SDK1: variants seen among roughly 807,000 people sequenced by gnomAD.
SDK1 encodes the protein sidekick cell adhesion molecule 1, also known as protein sidekick-1.
Under a neutral mutation model 245.5 loss-of-function variants are expected in SDK1, and 157 were observed. The observed-to-expected ratio is 0.64, with a 90% CI of 0.56 to 0.73. SDK1 has a LOEUF of 0.73. SDK1 is among the 30% of genes least tolerant of loss of function. The pLI is 0.00. For synonymous variants in SDK1, 1,647 were observed against 1,278.5 expected, an observed-to-expected ratio of 1.29 and a Z score of -6.15; for missense variants, 3,583 against 3,002.3, an observed-to-expected ratio of 1.19 and a Z score of -4.52.
intron 22 of SDK1, among the ~76,000 whole-genome samples, chr7:4,098,164 C>T (rs1327862779): frequency 1.3e-5 from 2 of 152,136 alleles, no homozygotes; most frequent in Non-Finnish European, 2.9e-5. Context: ...TTTGTTCATT[C>T]ATCTGTCAGA....
chr7:3,473,700 T>C (rs1781253943), intron 1 of SDK1, among the ~76,000 whole-genome samples: 1 of 152,164 alleles, frequency 6.6e-6, no homozygotes, highest in Non-Finnish European at 1.5e-5. Flanking sequence ...CATTTTATCT[T>C]TCTAGTTACC....
At chr7:3,950,621 A>T (rs1348297853) in intron 5 of SDK1, among the ~76,000 whole-genome samples, 4 of 152,208 alleles carry the variant, frequency 2.6e-5, no homozygotes, top group Non-Finnish European at 5.9e-5. Context: ...CCTTCCACTC[A>T]CAATGGGGTT....
Position 3,468,032 on chromosome 7 carries a change from C to G in SDK1, c.299-151048C>G, listed in dbSNP as rs553296785. 2.6e-5 allele frequency among the ~76,000 whole-genome samples: 4 copies of G among 151,560 alleles called. 1 individual carries two copies. The highest frequency in any genetic ancestry group is 9.7e-5 in the African/African-American group (4 of 41,270). ...CCACTGTAGACATTTATAATGTAAT[C>G]TATGCAAGAAATGAATATTTATCTC... On this transcript the variant is annotated intron_variant, in intron 1 of 44. Coordinates refer to ENST00000404826, the MANE Select transcript of SDK1 (RefSeq NM_152744.4).
chr7:4,160,373 T>G (rs758743816), intron 31 of SDK1, among the ~76,000 whole-genome samples: 2 of 152,104 alleles, frequency 1.3e-5, no homozygotes, highest in Non-Finnish European at 2.9e-5. Flanking sequence ...GGACCATTTT[T>G]GAAAAAAATA....
intron 25 of SDK1, among the ~76,000 whole-genome samples, chr7:4,118,152 C>T (rs1054824917): frequency 6.6e-6 from 1 of 152,058 alleles, no homozygotes; most frequent in African/African-American, 2.4e-5. Context: ...AAAAAAACTC[C>T]CCAAATGGAA....
chr7:4,069,093 C>G (rs1172272341), intron 20 of SDK1, among the ~76,000 whole-genome samples: 1 of 152,150 alleles, frequency 6.6e-6, no homozygotes, highest in African/African-American at 2.4e-5. Context: ...AAAAAAAAAT[C>G]TTGGTTTGAC....
At chr7:3,560,449 A>T (rs1779712500) in intron 1 of SDK1, among the ~76,000 whole-genome samples, 1 of 152,034 alleles carries the variant, frequency 6.6e-6, no homozygotes, top group African/African-American at 2.4e-5. Flanking sequence ...ACTTATATCC[A>T]GTGTGTTGGA....
intron 1 of SDK1, among the ~76,000 whole-genome samples, chr7:3,449,898 G>C (rs1289917160): frequency 6.6e-6 from 1 of 152,176 alleles, no homozygotes; most frequent in African/African-American, 2.4e-5. Context: ...TTGCAGAACT[G>C]TTTATTAACA....
intron 5 of SDK1, among the ~76,000 whole-genome samples, chr7:3,849,997 G>C (rs916784097): frequency 6.6e-6 from 1 of 152,338 alleles, no homozygotes; most frequent in Non-Finnish European, 1.5e-5. Context: ...TCATTCACAA[G>C]TTGAGAAAGG....
intron 1 of SDK1, among the ~76,000 whole-genome samples, chr7:3,366,352 C>T (rs934142295): frequency 6.8e-6 from 1 of 146,360 alleles, no homozygotes. Flanking sequence ...CTCCTCCTTT[C>T]TTTTTTTTTT....
At chr7:4,016,152 A>G (rs1189076345) in intron 16 of SDK1, among the ~76,000 whole-genome samples, 1 of 152,268 alleles carries the variant, frequency 6.6e-6, no homozygotes, top group Non-Finnish European at 1.5e-5. Flanking sequence ...CAGGTAATGG[A>G]CATGGAATCT....
chr7:3,515,807 GAC>G (rs1240239249), intron 1 of SDK1, among the ~76,000 whole-genome samples: 1 of 152,100 alleles, frequency 6.6e-6, no homozygotes, highest in Non-Finnish European at 1.5e-5. Context: ...CAGTCTCAAA[GAC>G]ATAAATCACC....
At chr7:4,247,337 G>T (rs1472855671) in intron 44 of SDK1, among the ~76,000 whole-genome samples, 3 of 152,188 alleles carry the variant, frequency 2.0e-5, no homozygotes, top group East Asian at 3.9e-4. Flanking sequence ...AGGATGCCGG[G>T]TTTGCTGTCC....
chr7:3,780,176 G>A (rs895127903), intron 4 of SDK1, among the ~76,000 whole-genome samples: 1 of 152,208 alleles, frequency 6.6e-6, no homozygotes, highest in Non-Finnish European at 1.5e-5. Context: ...GTCTCACTCT[G>A]ACCACACTGC....
intron 17 of SDK1, among the ~76,000 whole-genome samples, chr7:4,032,520 G>A (rs1386562317): frequency 6.6e-6 from 1 of 152,126 alleles, no homozygotes; most frequent in Non-Finnish European, 1.5e-5. Context: ...GAGAAAGCAA[G>A]GCGAGGTATA....
chr7:4,154,251 A>G (rs1240812566), intron 30 of SDK1, among the ~76,000 whole-genome samples: 1 of 152,182 alleles, frequency 6.6e-6, no homozygotes, highest in East Asian at 1.9e-4. Context: ...AGGCAGTACG[A>G]GTACAAACTG....
intron 5 of SDK1, among the ~76,000 whole-genome samples, chr7:3,913,332 C>T (rs1417893029): frequency 6.9e-6 from 1 of 144,528 alleles, no homozygotes; most frequent in Non-Finnish European, 1.5e-5. Flanking sequence ...CTCGCTCTGT[C>T]ACCCAGGCTG....
intron 1 of SDK1, among the ~76,000 whole-genome samples, chr7:3,581,723 A>G (rs928327992): frequency 2.6e-5 from 4 of 152,362 alleles, no homozygotes; most frequent in East Asian, 1.9e-4. Context: ...AGTATTCACA[A>G]TAGCAAAGAC....
At chr7:4,244,067 G>A (rs934521758) in intron 43 of SDK1, among the ~76,000 whole-genome samples, 5 of 152,106 alleles carry the variant, frequency 3.3e-5, no homozygotes, top group Non-Finnish European at 5.9e-5. Context: ...GCCTTCACTG[G>A]GCCTTTCCAG....
Sources: allele counts gnomAD v4.1 joint callset (sites outside exome capture counted in the v4.1 genomes callset), GRCh38; gene constraint gnomAD v4.1.1; transcripts MANE v1.5; gene names NCBI Gene and HGNC (gene_info 2026-07-23, HGNC 2026-07-21).